The following C12orf42 variants were observed in gnomAD, a reference collection of about 807,000 sequenced individuals.
C12orf42 encodes chromosome 12 open reading frame 42, also known as uncharacterized protein C12orf42.
In C12orf42, 25 loss-of-function variants were observed where a neutral mutation model predicts 21.6. That is an observed-to-expected ratio of 1.16 (90% CI 0.84 to 1.62). C12orf42 has a LOEUF of 1.62. C12orf42 is among the 40% of genes most tolerant of loss of function. The pLI, the probability that C12orf42 is intolerant of heterozygous loss-of-function variation, is 0.00. For missense variants in C12orf42, 483 were observed against 459.3 expected (o/e 1.05, Z -0.47); for synonymous variants, 174 against 175.0 (o/e 0.99, Z 0.05).
At chr12:103,437,044 T>C (rs1218079276) in intron 2 of C12orf42, among the ~76,000 whole-genome samples, 2 of 151,228 alleles carry the variant, frequency 1.3e-5, no homozygotes, top group Non-Finnish European at 2.9e-5. Flanking sequence ...ACAGAGATTA[T>C]AACAAACTAT....
At chr12:103,376,858 T>C (rs530639996) in intron 3 of C12orf42, among the ~76,000 whole-genome samples, 2 of 152,256 alleles carry the variant, frequency 1.3e-5, no homozygotes, top group South Asian at 4.1e-4. Flanking sequence ...TTTTTAGGAA[T>C]AATTTTCTCC....
chr12:103,466,066 C>T (rs1953102809), intron 2 of C12orf42, among the ~76,000 whole-genome samples: 1 of 151,974 alleles, frequency 6.6e-6, no homozygotes, highest in African/African-American at 2.4e-5. Flanking sequence ...TTCTTTATTG[C>T]TGTTGTATCT....
At chr12:103,112,143 AAGCGTGTTTTCT>A in the C12orf42 span, among the ~76,000 whole-genome samples, 10 of 152,334 alleles carry the variant, frequency 6.6e-5, no homozygotes, top group Admixed American at 1.3e-4. Context: ...AAAACCAGTG[AAGCGTGTTTTCT>A]AGCCTGTGGA....
chr12:103,293,370 G>A (rs1055734889), intron 4 of C12orf42, among the ~76,000 whole-genome samples: 19 of 152,188 alleles, frequency 1.2e-4, no homozygotes, highest in African/African-American at 4.3e-4. Context: ...TGTTTATAAT[G>A]TTGTATTCTA....
intron 10 of C12orf42, among the ~76,000 whole-genome samples, chr12:103,256,558 G>A (rs529606463): frequency 3.3e-5 from 5 of 152,030 alleles, no homozygotes; most frequent in Non-Finnish European, 7.4e-5. Context: ...AAACCACAGT[G>A]GGCCAATTTG....
At chr12:103,322,145 ACACACG>A (rs1555256412) in intron 4 of C12orf42, among the ~76,000 whole-genome samples, 1 of 142,606 alleles carries the variant, frequency 7.0e-6, no homozygotes, top group Non-Finnish European at 1.5e-5. Context: ...ACACACACAC[ACACACG>A]CACACGCACA....
chr12:103,117,854 C>T, the C12orf42 span, among the ~76,000 whole-genome samples: 1 of 152,202 alleles, frequency 6.6e-6, no homozygotes, highest in Non-Finnish European at 1.5e-5. Context: ...AAAATGCTTA[C>T]TCCCCAGCTT....
At chr12:103,128,405 G>A in the C12orf42 span, among the ~76,000 whole-genome samples, 1 of 152,220 alleles carries the variant, frequency 6.6e-6, no homozygotes, top group South Asian at 2.1e-4. Flanking sequence ...GAGCAATGTG[G>A]TACAGCCGAA....
At chr12:103,210,128 A>T in the C12orf42 span, among the ~76,000 whole-genome samples, 1 of 152,058 alleles carries the variant, frequency 6.6e-6, no homozygotes, top group South Asian at 2.1e-4. Context: ...GAAAGATGGT[A>T]ATTTTCCACT....
At chr12:103,278,887 C>T (rs1438523030) in intron 4 of C12orf42, among the ~76,000 whole-genome samples, 1 of 152,200 alleles carries the variant, frequency 6.6e-6, no homozygotes, top group Non-Finnish European at 1.5e-5. Flanking sequence ...CACATTTTCC[C>T]CTCCTGAATG....
At chr12:103,232,953 G>C (rs975157445), downstream of C12orf42, among the ~76,000 whole-genome samples, 2 of 151,908 alleles carry the variant, frequency 1.3e-5, no homozygotes, top group Non-Finnish European at 2.9e-5. Flanking sequence ...GTGATATTTT[G>C]ACACATCACA....
At chr12:103,396,945 T>C (rs929267501) in intron 3 of C12orf42, among the ~76,000 whole-genome samples, 2 of 152,226 alleles carry the variant, frequency 1.3e-5, no homozygotes, top group African/African-American at 4.8e-5. Context: ...GTTTATATTT[T>C]TGGAAACATT....
Position 103,368,903 on chromosome 12 carries a change from GTGT to G in C12orf42, c.240_242del (p.His81del). 1 of 1,567,432 alleles carries G rather than the reference GTGT, an allele frequency of 6.4e-7. No homozygotes were observed. The highest frequency in any genetic ancestry group is 8.7e-7 in the Non-Finnish European group (1 of 1,145,758). On this transcript the variant is annotated inframe_deletion, in exon 4 of 6. Coordinates refer to ENST00000548883, the MANE Select transcript of C12orf42 (RefSeq NM_198521.5). Reference sequence around the variant, plus strand: ...TTAATTTACCTGGAAAATTCAGAAAGTGTAGACTACGAAATTTAGGAGATTCAG... The same window carrying G: ...TTAATTTACCTGGAAAATTCAGAAAGAGACTACGAAATTTAGGAGATTCAG...
the C12orf42 span, among the ~76,000 whole-genome samples, chr12:103,103,825 G>A: frequency 6.9e-6 from 1 of 143,906 alleles, no homozygotes; most frequent in Admixed American, 6.9e-5. Context: ...TTTTTCAGAC[G>A]GAGTCTCGCT....
At chr12:103,256,622 G>A (rs2034632280) in intron 10 of C12orf42, among the ~76,000 whole-genome samples, 1 of 152,162 alleles carries the variant, frequency 6.6e-6, no homozygotes, top group Non-Finnish European at 1.5e-5. Flanking sequence ...CAAGTGAGTT[G>A]AAAGAGCATG....
At chr12:103,398,684 T>C (rs981431121) in intron 3 of C12orf42, among the ~76,000 whole-genome samples, 2 of 152,102 alleles carry the variant, frequency 1.3e-5, no homozygotes, top group African/African-American at 4.8e-5. Context: ...AATAGATATA[T>C]AATATTACCT....
chr12:103,192,454 A>T, the C12orf42 span, among the ~76,000 whole-genome samples: 3 of 151,378 alleles, frequency 2.0e-5, 1 homozygote, highest in South Asian at 6.3e-4. Flanking sequence ...AGCTAAGCCA[A>T]GACCATGCAA....
chr12:103,146,731 C>A, the C12orf42 span, among the ~76,000 whole-genome samples: 2 of 152,176 alleles, frequency 1.3e-5, no homozygotes, highest in East Asian at 1.9e-4. Context: ...TTGAAAACAA[C>A]CTTATATTTT....
the C12orf42 span, among the ~76,000 whole-genome samples, chr12:103,215,122 G>T: frequency 6.6e-6 from 1 of 152,170 alleles, no homozygotes. Flanking sequence ...GACAAAGGGG[G>T]AAATCTCAGT....
Sources: gnomAD v4.1 joint callset for allele counts (sites outside exome capture counted in the v4.1 genomes callset) on GRCh38, gnomAD v4.1.1 for gene constraint, MANE v1.5 for transcripts, NCBI Gene and HGNC (gene_info 2026-07-23, HGNC 2026-07-21) for gene names.